BLMH: variants seen among roughly 807,000 people sequenced by gnomAD.
The protein encoded by BLMH is bleomycin hydrolase, also known as BLM hydrolase.
BLMH carries 32 observed loss-of-function variants against 61.6 expected under a neutral mutation model. The observed-to-expected ratio is 0.52, with a 90% CI of 0.39 to 0.70. The LOEUF is 0.70. Among genes scored for constraint, BLMH ranks in the 30% least tolerant of loss-of-function variants. The probability of loss-of-function intolerance (pLI) is 0.00; values close to 1 mark genes in which losing one functional copy is unlikely to be tolerated. For synonymous variants in BLMH, 183 were observed against 193.8 expected (o/e 0.94, Z 0.46); for missense variants, 460 against 555.5 (o/e 0.83, Z 1.73).
Position 30,291,389 on chromosome 17 carries a change from T to C in BLMH, c.133A>G (p.Thr45Ala), listed in dbSNP as rs773568816. 46 of 1,613,870 alleles carry C rather than the reference T, an allele frequency of 2.9e-5. 1 individual carries two copies. In the South Asian group the frequency reaches 4.9e-4, roughly 17 times the overall value. The change falls in exon 2 of 12, where the codon ACG (threonine) becomes GCG (alanine). Residue 45 changes from threonine to alanine, a missense_variant. By Grantham distance (58) the Thr-to-Ala change is moderately conservative. This residue lies in a region of BLMH where 86 missense variants were observed against 84.5 expected (regional missense o/e 1.02). Transcript: ENST00000261714. ...AACACATGCTGCGCGCGCTGCACCG[T>C]GGCCCGCTTCAGACAGATGTCCAGC... is the stretch of plus-strand genomic sequence containing the variant. ...DLLDICLKRA[T>A]VQRAQHVFQH...
chr17:30,278,119 T>A (rs574002375), intron 6 of BLMH, among the ~76,000 whole-genome samples: 6 of 152,080 alleles, frequency 3.9e-5, no homozygotes, highest in Admixed American at 1.3e-4. Flanking sequence ...TAAAAAAAAA[T>A]GCTCCAAAGA....
rs759084573 is a variant in BLMH, at chr17:30,266,950, T to C, written c.1151A>G (p.Asp384Gly). Residue 384 changes from aspartate to glycine, a missense_variant, in exon 11 of 12, where the codon GAT becomes GGT. This residue lies in a region of BLMH where 310 missense variants were observed against 371.1 expected (regional missense o/e 0.84). Coordinates refer to ENST00000261714, the MANE Select transcript of BLMH (RefSeq NM_000386.4). ...MTFTAVSEKD[D>G]QDGAFTKWRV... The stretch of plus-strand genomic sequence containing the variant: ...CCATTTTGTGAAAGCACCATCCTGA[T>C]CATCCTGCAAAAAAGTGGATGATGG... 1 of 1,614,050 alleles carries C rather than the reference T, an allele frequency of 6.2e-7. No homozygotes were observed. The highest frequency in any genetic ancestry group is 2.2e-5 in the East Asian group (1 of 44,872).
At chr17:30,270,159 A>G (rs1213942521) in intron 10 of BLMH, among the ~76,000 whole-genome samples, 1 of 152,250 alleles carries the variant, frequency 6.6e-6, no homozygotes, top group African/African-American at 2.4e-5. Flanking sequence ...TAAACATTTT[A>G]AAGATCATAA....
In BLMH at chr17:30,251,983, TAAA is replaced by T. The variant is rs1200638957; in HGVS notation, c.1217-2818_1217-2816del. ...TATTATGTAAAAAAATATTTTTAGT[TAAA>T]AAAGTGGCATTGTTTTACATTTTAA... On this transcript the variant is annotated intron_variant, in intron 11 of 11. Coordinates refer to ENST00000261714, the MANE Select transcript of BLMH (RefSeq NM_000386.4). 3.9e-5 allele frequency: 6 copies of T among 152,354 alleles called. No homozygotes were observed. The East Asian group carries it at 1.2e-3, about 29-fold the overall frequency. 9.4% of individuals were successfully genotyped at this position (152,354 alleles called of 1,614,324 possible). A position where few individuals can be genotyped will look rare whatever the true frequency, so the allele number is the denominator to read the frequency against.
Position 30,248,840 on chromosome 17 carries a change from A to G in BLMH, c.*177T>C. 2.9e-6 allele frequency: 2 copies of G among 700,992 alleles called. No homozygotes were observed. Among genetic ancestry groups the G allele is most frequent in the Admixed American group, 3.0e-5 (1 of 33,310 alleles). The allele number at this position is 700,992 out of a possible 1,614,324, so 43.4% of individuals were successfully genotyped here. A position where few individuals can be genotyped will look rare whatever the true frequency, so the allele number is the denominator to read the frequency against. ...TCCCCCCTCTTTTTTTTCCTTTAACAGTATTCTGTTTCAGCATAAAGCACA... is the reference window on the plus strand; with the variant it reads ...TCCCCCCTCTTTTTTTTCCTTTAACGGTATTCTGTTTCAGCATAAAGCACA... On this transcript the variant is annotated 3_prime_UTR_variant, in exon 12 of 12. Transcript: ENST00000261714.
chr17:30,255,879 AGAGT>A (rs1203489789), intron 11 of BLMH, among the ~76,000 whole-genome samples: 1 of 152,182 alleles, frequency 6.6e-6, no homozygotes, highest in Non-Finnish European at 1.5e-5. Flanking sequence ...CCTGGGCGAC[AGAGT>A]GAGACTCCGT....
At chr17:30,285,508 A>G in intron 5 of BLMH, 28 bp from the exon 6 acceptor site, 2 of 1,553,962 alleles carry the variant, frequency 1.3e-6, no homozygotes, top group Non-Finnish European at 1.8e-6. Context: ...TCAGCACTCC[A>G]ACAGTTACCC....
rs545315337 is a variant in BLMH, at chr17:30,254,941, A to G, written c.1217-5773T>C. On this transcript the variant is annotated intron_variant, in intron 11 of 11. Transcript: ENST00000261714. ...TAATACACATACTGTTTTCCAATTA[A>G]TCTCTTTCCTTACTGATAATGAAAT... 3.1e-4 allele frequency among the ~76,000 whole-genome samples: 47 copies of G among 152,342 alleles called. No homozygotes were observed. In the South Asian group the frequency reaches 5.0e-3, roughly 16 times the overall value.
chr17:30,285,586 C>G, intron 5 of BLMH, 106 bp from the exon 6 acceptor site: 1 of 743,374 alleles, frequency 1.3e-6, no homozygotes, highest in Non-Finnish European at 2.1e-6. Flanking sequence ...TCAGGCCAGA[C>G]CCATGACAGA....
At chr17:30,282,221 T>G (rs914755721) in intron 6 of BLMH, among the ~76,000 whole-genome samples, 1 of 119,478 alleles carries the variant, frequency 8.4e-6, no homozygotes, top group Non-Finnish European at 1.7e-5. Flanking sequence ...CAGACAAGGT[T>G]TTTTTTTTTT....
chr17:30,261,483 C>A (rs966555396), intron 11 of BLMH, among the ~76,000 whole-genome samples: 7 of 152,134 alleles, frequency 4.6e-5, no homozygotes, highest in Non-Finnish European at 1.0e-4. Flanking sequence ...ATTTATATAA[C>A]AATATACAGT....
chr17:30,257,825 T>A (rs1010122042), intron 11 of BLMH, among the ~76,000 whole-genome samples: 16 of 152,172 alleles, frequency 1.1e-4, no homozygotes, highest in Admixed American at 3.3e-4. Flanking sequence ...TTCTTCCAGT[T>A]GAGCACTCTG....
chr17:30,287,703 C>A lies in BLMH; in HGVS notation c.463+103G>T, dbSNP rs567575304. 4.9e-5 allele frequency: 65 copies of A among 1,338,910 alleles called. No individual in the cohort carries two copies. The African/African-American group carries it at 7.6e-4, about 16-fold the overall frequency. 82.9% of individuals were successfully genotyped at this position (1,338,910 alleles called of 1,614,324 possible). A position where few individuals can be genotyped will look rare whatever the true frequency, so the allele number is the denominator to read the frequency against. ...AATAACTATATATCCTTCTTGGAGA[C>A]CAATTCTACTCTGTACACAACCACC... On this transcript the variant is annotated intron_variant, in intron 4 of 11. Transcript: ENST00000261714.
chr17:30,269,165 A>G (rs1908195231), intron 10 of BLMH, among the ~76,000 whole-genome samples: 1 of 148,186 alleles, frequency 6.7e-6, no homozygotes, highest in Non-Finnish European at 1.5e-5. Context: ...CATGTATTTT[A>G]TTTATTTATT....
intron 1 of BLMH, 124 bp from the exon 2 acceptor site, chr17:30,291,632 A>G: frequency 2.1e-6 from 3 of 1,408,024 alleles, no homozygotes; most frequent in African/African-American, 1.4e-5. Flanking sequence ...GGGGAAACCC[A>G]TAAGCGGCAT....
intron 11 of BLMH, among the ~76,000 whole-genome samples, chr17:30,257,823 G>GT (rs1033203932): frequency 3.3e-5 from 5 of 152,152 alleles, no homozygotes; most frequent in African/African-American, 1.2e-4. Context: ...GCTTCTTCCA[G>GT]TTGAGCACTC....
intron 11 of BLMH, among the ~76,000 whole-genome samples, chr17:30,260,464 C>T (rs1196167717): frequency 1.3e-5 from 2 of 152,334 alleles, no homozygotes; most frequent in Non-Finnish European, 1.5e-5. Flanking sequence ...CTTAGTCACA[C>T]ACTTTGATCA....
intron 6 of BLMH, among the ~76,000 whole-genome samples, chr17:30,283,678 C>T (rs1197846962): frequency 3.3e-5 from 5 of 151,884 alleles, no homozygotes; most frequent in East Asian, 1.9e-4. Flanking sequence ...CATACCACCA[C>T]GCCCAGCTAA....
intron 10 of BLMH, 139 bp from the exon 11 acceptor site, chr17:30,267,093 G>C (rs1567834121): frequency 3.1e-6 from 2 of 651,202 alleles, no homozygotes; most frequent in Non-Finnish European, 5.5e-6. Flanking sequence ...CAGGCAGCCT[G>C]CTCTAAACAG....
Sources: allele counts gnomAD v4.1 joint callset (sites outside exome capture counted in the v4.1 genomes callset), GRCh38; gene constraint gnomAD v4.1.1; regional missense constraint gnomAD v4.1.1; transcripts MANE v1.5; gene names NCBI Gene and HGNC (gene_info 2026-07-23, HGNC 2026-07-21).